The following CACNA1B variants were observed in gnomAD, a reference collection of about 807,000 sequenced individuals.
CACNA1B encodes the protein calcium voltage-gated channel subunit alpha1 B, also known as voltage-dependent N-type calcium channel subunit alpha-1B.
CACNA1B carries 70 observed loss-of-function variants against 247.2 expected under a neutral mutation model. That is an observed-to-expected ratio of 0.28 (90% CI 0.23 to 0.35). CACNA1B has a LOEUF of 0.35. CACNA1B is among the 10% of genes least tolerant of loss of function. CACNA1B has a pLI of 1.00. For synonymous variants in CACNA1B, 1,231 were observed against 1,294.4 expected, an observed-to-expected ratio of 0.95 and a Z score of 1.05; for missense variants, 2,367 against 3,197.4, an observed-to-expected ratio of 0.74 and a Z score of 6.26.
At chr9:138,000,224 G>C (rs982998948) in intron 15 of CACNA1B, among the ~76,000 whole-genome samples, 16 of 151,338 alleles carry the variant, frequency 1.1e-4, no homozygotes, top group African/African-American at 2.7e-4. Flanking sequence ...TCAGCCTCCC[G>C]AGTGGCTGGG....
At chr9:137,906,539 G>A (rs943869716) in intron 3 of CACNA1B, among the ~76,000 whole-genome samples, 6 of 152,006 alleles carry the variant, frequency 3.9e-5, no homozygotes, top group African/African-American at 7.3e-5. Context: ...TTTAACATAC[G>A]TCTTTCTCTG....
At chr9:138,103,127 C>T (rs947935159) in intron 38 of CACNA1B, among the ~76,000 whole-genome samples, 3 of 152,212 alleles carry the variant, frequency 2.0e-5, no homozygotes, top group Admixed American at 1.3e-4. Flanking sequence ...CCCTTCCTTT[C>T]CTAGGAATGA....
intron 15 of CACNA1B, among the ~76,000 whole-genome samples, chr9:137,995,031 C>T (rs369423047): frequency 2.2e-4 from 33 of 151,794 alleles, no homozygotes; most frequent in African/African-American, 7.5e-4. Context: ...ATGATGAAAC[C>T]CCAACCCTAC....
rs926804525 is a variant in CACNA1B, at chr9:138,050,603, G to C, written c.3710+1288G>C. ...GGGAGTGGGAACACTGCAGCCAGGG[G>C]TCCCCCAGTCAGGAGGAGGGGAAGG... On this transcript the variant is annotated intron_variant, in intron 24 of 46. Coordinates refer to ENST00000371372, the MANE Select transcript of CACNA1B (RefSeq NM_000718.4). This position sits in a 1 kb window ranked among gnomAD's most constrained non-coding sequence, Gnocchi z 5.2. Among the ~76,000 whole-genome samples, 1 of 152,226 alleles carries C rather than the reference G, an allele frequency of 6.6e-6. No homozygotes were observed. The highest frequency in any genetic ancestry group is 1.5e-5 in the Non-Finnish European group (1 of 68,034).
chr9:138,094,457 A>G (rs202124737), intron 36 of CACNA1B, among the ~76,000 whole-genome samples: 208 of 134,888 alleles, frequency 1.5e-3, no homozygotes, highest in African/African-American at 4.3e-3. Flanking sequence ...AAAAAAAAAA[A>G]AAGAAGAAGA....
chr9:138,006,748 GT>G lies in CACNA1B; in HGVS notation c.1975-17del. The G allele has an allele frequency of 6.9e-7, 1 of 1,459,342 alleles. No individual in the cohort carries two copies. Among genetic ancestry groups the G allele is most frequent in the Non-Finnish European group, 9.6e-7 (1 of 1,040,690 alleles). The allele number at this position is 1,459,342 out of a possible 1,614,324, so 90.4% of individuals were successfully genotyped here. On this transcript the variant is annotated intron_variant, in intron 15 of 46. Coordinates refer to ENST00000371372, the MANE Select transcript of CACNA1B (RefSeq NM_000718.4). ...AGGCGGCCATGGGGGCTTGCCCTGT[GT>G]TCTCTCCATCCTGGCAGATCCTGAC...
intron 20 of CACNA1B, among the ~76,000 whole-genome samples, chr9:138,042,890 A>G (rs1959142735): frequency 6.6e-6 from 1 of 151,970 alleles, no homozygotes; most frequent in African/African-American, 2.4e-5. Flanking sequence ...TTAAACTCCT[A>G]TTTGCTTTTA....
At chr9:137,945,029 C>T (rs1470121864) in intron 6 of CACNA1B, among the ~76,000 whole-genome samples, 2 of 152,134 alleles carry the variant, frequency 1.3e-5, no homozygotes, top group African/African-American at 4.8e-5. Flanking sequence ...GGTATAGGGC[C>T]ATGAAGACCT....
chr9:137,955,048 G>A lies in CACNA1B; in HGVS notation c.1071-650G>A, dbSNP rs769172924. ...CCATGACGGCTGTGAAGGCTCAGGCGGGGCTGGGGTGAGATGTCGGGGGCC... is the reference window on the plus strand; with the variant it reads ...CCATGACGGCTGTGAAGGCTCAGGCAGGGCTGGGGTGAGATGTCGGGGGCC... On this transcript the variant is annotated intron_variant, in intron 7 of 46. Coordinates refer to ENST00000371372, the MANE Select transcript of CACNA1B (RefSeq NM_000718.4). The surrounding 1 kb of genome is among the most constrained non-coding windows in gnomAD (Gnocchi z 6.9). Among the ~76,000 whole-genome samples, 14 of 152,030 alleles carry A rather than the reference G, an allele frequency of 9.2e-5. No homozygotes were observed. Among genetic ancestry groups the A allele is most frequent in the Non-Finnish European group, 1.6e-4 (11 of 68,010 alleles).
intron 34 of CACNA1B, 112 bp downstream of exon 34, chr9:138,074,178 A>G (rs1327105183): frequency 2.5e-6 from 2 of 807,106 alleles, no homozygotes; most frequent in Non-Finnish European, 4.3e-6. Context: ...TCCTTAGTGA[A>G]CATTCTCTGT....
intron 20 of CACNA1B, among the ~76,000 whole-genome samples, chr9:138,036,093 G>C (rs1049415700): frequency 6.6e-6 from 1 of 151,198 alleles, no homozygotes; most frequent in East Asian, 1.9e-4. Flanking sequence ...ATCATCCATT[G>C]GGTTTCTTTC....
intron 15 of CACNA1B, among the ~76,000 whole-genome samples, chr9:137,998,025 T>G (rs546893089): frequency 2.0e-4 from 30 of 152,296 alleles, no homozygotes; most frequent in Middle Eastern, 6.8e-3. Flanking sequence ...TCATATACTG[T>G]TTATGATATG....
chr9:138,034,741 A>C (rs765300783), intron 20 of CACNA1B, among the ~76,000 whole-genome samples: 1 of 151,732 alleles, frequency 6.6e-6, no homozygotes, highest in Non-Finnish European at 1.5e-5. Context: ...TCTTCCTTCT[A>C]CCTGTTAGAA....
chr9:138,080,616 A>G (rs1378465926), intron 36 of CACNA1B, among the ~76,000 whole-genome samples: 4 of 152,178 alleles, frequency 2.6e-5, no homozygotes, highest in African/African-American at 4.8e-5. Context: ...AATGATAACA[A>G]GAATAGAAGT....
Position 138,047,048 on chromosome 9 carries a change from T to C in CACNA1B, c.3543+15T>C, listed in dbSNP as rs1223454371. ...CCAGGAACAACGTGAGTGGCCCGGA[T>C]GGCCGGGTCCCCGCCAGGCTGTGGC... On this transcript the variant is annotated intron_variant, in intron 22 of 46. Transcript: ENST00000371372. 1 of 1,599,136 alleles carries C rather than the reference T, an allele frequency of 6.3e-7. No homozygotes were observed. Among genetic ancestry groups the C allele is most frequent in the Non-Finnish European group, 8.5e-7 (1 of 1,170,308 alleles).
rs986321604 is a variant in CACNA1B at position 137,990,416 on chromosome 9, G to A, written c.1974+3562G>A. The stretch of plus-strand genomic sequence containing the variant: ...GTTATAATCTCCTGGGGGCTCTGTG[G>A]TCCTGCCCACCCCCTGAGAAACCTG... On this transcript the variant is annotated intron_variant, in intron 15 of 46. Coordinates refer to ENST00000371372, the MANE Select transcript of CACNA1B (RefSeq NM_000718.4). This position sits in a 1 kb window ranked among gnomAD's most constrained non-coding sequence, Gnocchi z 4.5. 2.0e-5 allele frequency among the ~76,000 whole-genome samples: 3 copies of A among 152,052 alleles called. No individual in the cohort carries two copies. The highest frequency in any genetic ancestry group is 7.3e-5 in the African/African-American group (3 of 41,374).
In CACNA1B at chr9:137,888,343, G is replaced by A. The variant is rs1251227202; in HGVS notation, c.530+5460G>A. ...CTCCCAGTCCTGTCCCCACGTCACT[G>A]CCTCTGCCCTCCCGGGCCCCTCAGG... is the stretch of plus-strand genomic sequence containing the variant. On this transcript the variant is annotated intron_variant, in intron 3 of 46. Coordinates refer to ENST00000371372, the MANE Select transcript of CACNA1B (RefSeq NM_000718.4). The surrounding 1 kb of genome is among the most constrained non-coding windows in gnomAD (Gnocchi z 4.7). Among the ~76,000 whole-genome samples, 2 of 151,930 alleles carry A rather than the reference G, an allele frequency of 1.3e-5. No individual in the cohort carries two copies. Among genetic ancestry groups the A allele is most frequent in the Admixed American group, 6.5e-5 (1 of 15,268 alleles).
At position 137,964,536 on chromosome 9, in the gene CACNA1B, C is replaced by G. The variant is rs80026130; in HGVS notation, c.1334-6847C>G. Among the ~76,000 whole-genome samples, 345 of 152,286 alleles carry G rather than the reference C, an allele frequency of 2.3e-3. 3 individuals carry two copies. The highest frequency in any genetic ancestry group is 8.0e-3 in the African/African-American group (332 of 41,544). ...AGTTCTTGTAGTGTGTTTTTCAGCT[C>G]TAACAGGTTGGTTATGTTCCTTTCT... On this transcript the variant is annotated intron_variant, in intron 10 of 46. Coordinates refer to ENST00000371372, the MANE Select transcript of CACNA1B (RefSeq NM_000718.4).
intron 20 of CACNA1B, among the ~76,000 whole-genome samples, chr9:138,034,253 C>T (rs546273899): frequency 3.9e-5 from 6 of 152,224 alleles, no homozygotes; most frequent in African/African-American, 7.2e-5. Flanking sequence ...TGAGACGTGA[C>T]GTCTAGGCTC....
Sources: gnomAD v4.1 joint callset for allele counts (sites outside exome capture counted in the v4.1 genomes callset) on GRCh38, gnomAD v4.1.1 for gene constraint, Gnocchi (gnomAD v3.1) non-coding constraint, MANE v1.5 for transcripts, NCBI Gene and HGNC (gene_info 2026-07-23, HGNC 2026-07-21) for gene names.